The following PPARGC1A variants were observed in gnomAD, a reference collection of about 807,000 sequenced individuals.
PPARGC1A encodes peroxisome proliferator-activated receptor gamma coactivator 1-alpha.
In PPARGC1A, 25 loss-of-function variants were observed where a neutral mutation model predicts 88.7. The observed-to-expected ratio is 0.28, with a 90% confidence interval of 0.21 to 0.39. The LOEUF is 0.39. Ranked by LOEUF, PPARGC1A falls within the 10% of genes least tolerant of loss-of-function variation. The pLI is 1.00. For missense variants in PPARGC1A, 880 were observed against 968.7 expected (o/e 0.91, Z 1.22); for synonymous variants, 363 against 355.6 (o/e 1.02, Z -0.24).
chr4:24,025,318 G>A, the PPARGC1A span, among the ~76,000 whole-genome samples: 1 of 152,114 alleles, frequency 6.6e-6, no homozygotes, highest in Non-Finnish European at 1.5e-5. Context: ...ATAAACATTG[G>A]TGGGAGTCTC....
In PPARGC1A at chr4:23,826,930, T is replaced by A. The variant is rs144910230; in HGVS notation, c.757+1470A>T. Among the ~76,000 whole-genome samples the A allele has an allele frequency of 1.3e-3, 194 of 152,282 alleles. 9 individuals are homozygous for A. In the East Asian group the frequency reaches 0.035, roughly 28 times the overall value. ...TCACATATTACAAGGACTTTAAATT[T>A]GGCCCCAGAAAATGCATGCATGACC... On this transcript the variant is annotated intron_variant, in intron 5 of 12. Transcript: ENST00000264867.
chr4:24,467,524 A>C, the PPARGC1A span, among the ~76,000 whole-genome samples: 5 of 152,164 alleles, frequency 3.3e-5, no homozygotes, highest in Middle Eastern at 3.2e-3. Flanking sequence ...CACCACTTTA[A>C]GAATTATGAA....
chr4:24,104,532 G>C, the PPARGC1A span, among the ~76,000 whole-genome samples: 1 of 152,172 alleles, frequency 6.6e-6, no homozygotes, highest in Non-Finnish European at 1.5e-5. Context: ...GGAAGCAAAG[G>C]ATGGACCGTC....
At chr4:24,140,429 G>A in the PPARGC1A span, among the ~76,000 whole-genome samples, 1 of 152,178 alleles carries the variant, frequency 6.6e-6, no homozygotes, top group Non-Finnish European at 1.5e-5. Flanking sequence ...AAGGATCTGT[G>A]ATTTTGTGAC....
At chr4:23,921,369 A>G in the PPARGC1A span, among the ~76,000 whole-genome samples, 2 of 152,224 alleles carry the variant, frequency 1.3e-5, no homozygotes, top group East Asian at 1.9e-4. Context: ...TACCACAAAG[A>G]GAAATGCATG....
chr4:24,306,118 T>C, the PPARGC1A span, among the ~76,000 whole-genome samples: 1 of 152,140 alleles, frequency 6.6e-6, no homozygotes, highest in Non-Finnish European at 1.5e-5. Flanking sequence ...AGATTCCGGA[T>C]GCACAATCCA....
At chr4:24,129,205 G>A in the PPARGC1A span, among the ~76,000 whole-genome samples, 8 of 152,058 alleles carry the variant, frequency 5.3e-5, no homozygotes, top group East Asian at 3.9e-4. Flanking sequence ...GCTGGGAGCC[G>A]GAATATTTCA....
At chr4:23,818,649 T>C (rs1054755904) in intron 7 of PPARGC1A, among the ~76,000 whole-genome samples, 15 of 151,944 alleles carry the variant, frequency 9.9e-5, no homozygotes, top group African/African-American at 3.6e-4. Context: ...TACTCTACAG[T>C]CATCTTTTTA....
At chr4:24,221,169 C>T in the PPARGC1A span, among the ~76,000 whole-genome samples, 1 of 152,042 alleles carries the variant, frequency 6.6e-6, no homozygotes, top group Non-Finnish European at 1.5e-5. Flanking sequence ...GAAAGAGAAA[C>T]AAGAAAAAGA....
the PPARGC1A span, among the ~76,000 whole-genome samples, chr4:24,241,786 A>G: frequency 1.6e-4 from 25 of 152,222 alleles, no homozygotes; most frequent in African/African-American, 6.0e-4. Context: ...ACAGTGTTTT[A>G]TAAATAGTAC....
chr4:24,220,754 A>G, the PPARGC1A span, among the ~76,000 whole-genome samples: 6 of 152,178 alleles, frequency 3.9e-5, no homozygotes, highest in African/African-American at 1.4e-4. Context: ...AGGTTGAAAA[A>G]CTACCTATTG....
chr4:24,422,259 C>A, the PPARGC1A span, among the ~76,000 whole-genome samples: 1 of 152,198 alleles, frequency 6.6e-6, no homozygotes, highest in Non-Finnish European at 1.5e-5. Context: ...ATAATATTAA[C>A]CTTCTGGCCC....
chr4:23,986,968 CATT>C, the PPARGC1A span, among the ~76,000 whole-genome samples: 1 of 152,032 alleles, frequency 6.6e-6, no homozygotes, highest in African/African-American at 2.4e-5. Flanking sequence ...TCGTTTATTT[CATT>C]ATTAATACTA....
At chr4:24,086,991 A>T in the PPARGC1A span, among the ~76,000 whole-genome samples, 1 of 152,208 alleles carries the variant, frequency 6.6e-6, no homozygotes, top group African/African-American at 2.4e-5. Flanking sequence ...CTGTCTCAAG[A>T]TCAACACGTT....
intron 4 of PPARGC1A, among the ~76,000 whole-genome samples, 163 bp downstream of exon 4, chr4:23,829,300 A>G (rs1724573325): frequency 6.6e-6 from 1 of 152,234 alleles, no homozygotes; most frequent in Non-Finnish European, 1.5e-5. Context: ...AGTTTAAAGT[A>G]GCTCAAGCGC....
chr4:23,967,211 C>T, the PPARGC1A span, among the ~76,000 whole-genome samples: 1,085 of 152,236 alleles, frequency 7.1e-3, 17 homozygotes, highest in African/African-American at 0.025. Flanking sequence ...CTCTGTGCAG[C>T]AAAATTAAAG....
the PPARGC1A span, among the ~76,000 whole-genome samples, chr4:24,125,835 A>G: frequency 6.6e-6 from 1 of 152,192 alleles, no homozygotes; most frequent in Non-Finnish European, 1.5e-5. Context: ...TGTGGCTCAC[A>G]TATCTGCCCT....
the PPARGC1A span, among the ~76,000 whole-genome samples, chr4:24,008,092 T>C: frequency 2.6e-5 from 4 of 152,094 alleles, no homozygotes; most frequent in Non-Finnish European, 5.9e-5. Context: ...GAAGGGAGAC[T>C]GGGAATGCAC....
chr4:24,333,673 C>T, the PPARGC1A span, among the ~76,000 whole-genome samples: 3 of 152,092 alleles, frequency 2.0e-5, no homozygotes, highest in East Asian at 5.8e-4. Flanking sequence ...GTGGCTCACA[C>T]CTGTAATCCC....
Sources: gnomAD v4.1 joint callset for allele counts (sites outside exome capture counted in the v4.1 genomes callset) on GRCh38, gnomAD v4.1.1 for gene constraint, MANE v1.5 for transcripts, NCBI Gene and HGNC (gene_info 2026-07-23, HGNC 2026-07-21) for gene names.